KMT2D: variants seen among roughly 807,000 people sequenced by gnomAD.
KMT2D encodes histone-lysine N-methyltransferase 2D.
Under a neutral mutation model 512.7 loss-of-function variants are expected in KMT2D, and 55 were observed. The observed-to-expected ratio is 0.11, with a 90% confidence interval of 0.09 to 0.13. The LOEUF is 0.13. KMT2D is among the 10% of genes least tolerant of loss of function. The pLI, the probability that KMT2D is intolerant of heterozygous loss-of-function variation, is 1.00. For missense variants in KMT2D, 6,061 were observed against 7,127.9 expected (o/e 0.85, Z 5.39); for synonymous variants, 2,995 against 2,904.0 (o/e 1.03, Z -1.01).
At position 49,034,436 on chromosome 12, in the gene KMT2D, G is replaced by A. The variant is rs746854405; in HGVS notation, c.10481C>T (p.Pro3494Leu). Residue 3494 changes from proline (P) to leucine (L), a missense_variant, in exon 38 of 55, where the codon CCG becomes CTG. By Grantham distance (98) the Pro-to-Leu change is moderately conservative (BLOSUM62 -3). Around this residue, in one of 16 missense-constraint regions of KMT2D, gnomAD observed 533 missense variants for 539.6 expected, o/e 0.99. Transcript: ENST00000301067. The part of the protein sequence containing the change: ...AGDPSQPRPN[P>L]PTFAQGVINE... Reference sequence around the variant, plus strand: ...GATCACTCCCTGAGCAAAAGTGGGCGGGTTGGGACGAGGCTGGGAGGGATC... The same window carrying A: ...GATCACTCCCTGAGCAAAAGTGGGCAGGTTGGGACGAGGCTGGGAGGGATC... 2.5e-6 allele frequency: 4 copies of A among 1,613,672 alleles called. No individual in the cohort carries two copies. The highest frequency in any genetic ancestry group is 1.3e-5 in the African/African-American group (1 of 74,872).
In KMT2D at chr12:49,031,575, C is replaced by A; in HGVS notation, c.13130G>T (p.Trp4377Leu). 6.2e-7 allele frequency: 1 copy of A among 1,600,420 alleles called. No individual in the cohort carries two copies. Among genetic ancestry groups the A allele is most frequent in the East Asian group, 2.3e-5 (1 of 44,350 alleles). ...DTLFSKGLGP[W>L]DPPDNLAETQ... The stretch of plus-strand genomic sequence containing the variant: ...TTCTGCTAGGTTGTCTGGGGGATCC[C>A]AAGGTCCCAGACCCTTGCTAAACAA... The change falls in exon 40 of 55, where the codon TGG becomes TTG. Residue 4377 changes from tryptophan to leucine, a missense_variant. By Grantham distance (61) the Trp-to-Leu change is moderately conservative. Coordinates refer to ENST00000301067, the MANE Select transcript of KMT2D (RefSeq NM_003482.4).
chr12:49,041,749 C>T lies in KMT2D; in HGVS notation c.6184-44G>A, dbSNP rs1378468763. 6.3e-7 allele frequency: 1 copy of T among 1,581,510 alleles called. No individual in the cohort carries two copies. The highest frequency in any genetic ancestry group is 1.7e-4 in the Middle Eastern group (1 of 5,920). On this transcript the variant is annotated intron_variant, in intron 30 of 54. Transcript: ENST00000301067. This position sits in a 1 kb window ranked among gnomAD's most constrained non-coding sequence, Gnocchi z 5.4. The stretch of plus-strand genomic sequence containing the variant: ...AGCCTTAGGGCCTAGTGCTTGGTCT[C>T]ATGCCCCGCCCCCATACTGTAGTGT...
In KMT2D at chr12:49,042,436, C is replaced by A; in HGVS notation, c.5868-106G>T. The stretch of plus-strand genomic sequence containing the variant: ...CTGCCCTGCCCCAAAAGAGGAGGGT[C>A]ACTAACAAGGGAATGGGGAGGAGCA... On this transcript the variant is annotated intron_variant, in intron 28 of 54. Coordinates refer to ENST00000301067, the MANE Select transcript of KMT2D (RefSeq NM_003482.4). The surrounding 1 kb of genome is among the most constrained non-coding windows in gnomAD (Gnocchi z 4.4). 1 of 1,507,906 alleles carries A rather than the reference C, an allele frequency of 6.6e-7. No individual in the cohort carries two copies. Among genetic ancestry groups the A allele is most frequent in the South Asian group, 1.3e-5 (1 of 78,846 alleles). 93.4% of individuals were successfully genotyped at this position (1,507,906 alleles called of 1,614,324 possible). A position where few individuals can be genotyped will look rare whatever the true frequency, so the allele number is the denominator to read the frequency against.
chr12:49,019,738 G>C lies in KMT2D; in HGVS notation c.*2042C>G, dbSNP rs928965779. ...GATTTAATTACAGCGGTTCCTGTGG[G>C]AGTGGGGGCTGTTATTCTCTTAAAC... On this transcript the variant is annotated 3_prime_UTR_variant, in exon 55 of 55. Coordinates refer to ENST00000301067, the MANE Select transcript of KMT2D (RefSeq NM_003482.4). 3 of 232,718 alleles carry C rather than the reference G, an allele frequency of 1.3e-5. No homozygotes were observed. The highest frequency in any genetic ancestry group is 6.6e-5 in the African/African-American group (3 of 45,256). 14.4% of individuals were successfully genotyped at this position (232,718 alleles called of 1,614,324 possible).
rs376888531 is a variant in KMT2D at position 49,039,343 on chromosome 12, C to T, written c.8245G>A (p.Val2749Met). The change falls in exon 34 of 55, where the codon GTG becomes ATG. Residue 2749 changes from valine (V) to methionine (M), a missense_variant. Val to Met is a conservative substitution (Grantham distance 21). This residue lies in a region of KMT2D where 527 missense variants were observed against 578.9 expected (regional missense o/e 0.91). Transcript: ENST00000301067. The surrounding 1 kb of genome is among the most constrained non-coding windows in gnomAD (Gnocchi z 5.0). ...FAGTQDKSSL[V>M]GLPPSKLSGP... ...CTCAGCTTGCTTGGGGGCAACCCCA[C>T]AAGGCTGCTCTTGTCCTAGAAGAGA... 2.1e-5 allele frequency: 34 copies of T among 1,613,078 alleles called. No homozygotes were observed. The African/African-American group carries it at 4.0e-4, about 19-fold the overall frequency.
Position 49,038,055 on chromosome 12 carries a change from G to C in KMT2D, c.9301C>G (p.Pro3101Ala). Residue 3101 changes from proline to alanine, a missense_variant, in exon 35 of 55, where the codon CCC becomes GCC. Coordinates refer to ENST00000301067, the MANE Select transcript of KMT2D (RefSeq NM_003482.4). This position sits in a 1 kb window ranked among gnomAD's most constrained non-coding sequence, Gnocchi z 5.7. Reference sequence around the variant, plus strand: ...GGTTCAGAGGCATCAGCAGCAGGGGGAGGGCGCTCCTCAGGGCCCAAGGGT... The same window carrying C: ...GGTTCAGAGGCATCAGCAGCAGGGGCAGGGCGCTCCTCAGGGCCCAAGGGT... ...PGPLGPEERP[P>A]PAADASEPRL... is the part of the protein sequence containing the mutation. 6.2e-7 allele frequency: 1 copy of C among 1,612,596 alleles called. No individual in the cohort carries two copies. Among genetic ancestry groups the C allele is most frequent in the Non-Finnish European group, 8.5e-7 (1 of 1,179,450 alleles).
At position 49,044,871 on chromosome 12, in the gene KMT2D, G is replaced by A. The variant is rs2120588900; in HGVS notation, c.4836C>T (p.Arg1612=). 1 of 1,614,064 alleles carries A rather than the reference G, an allele frequency of 6.2e-7. No homozygotes were observed. The change falls in exon 20 of 55, where the codon CGC becomes CGT. Residue 1612 remains arginine (R), a synonymous_variant. Coordinates refer to ENST00000301067, the MANE Select transcript of KMT2D (RefSeq NM_003482.4). The surrounding 1 kb of genome is among the most constrained non-coding windows in gnomAD (Gnocchi z 6.4). ...NLTMSPLHKR[R]QRRGRLGLPG... is the part of the protein sequence containing the mutation. ...GGAGGCCAAGCCGTCCTCGCCGTTG[G>A]CGCCGCTTGTGCAGTGGTGACATGG...
At position 49,043,097 on chromosome 12, in the gene KMT2D, A is replaced by T. The variant is rs759354387; in HGVS notation, c.5623T>A (p.Leu1875Ile). The T allele has an allele frequency of 6.2e-7, 1 of 1,613,864 alleles. No individual in the cohort carries two copies. The highest frequency in any genetic ancestry group is 8.5e-7 in the Non-Finnish European group (1 of 1,179,768). ...TPGEGMLSSD[L>I]DRISTEELPK... ...TCACCTTCTGTGGAAATCCTGTCTA[A>T]GTCAGAGCTAAGCATCCCTTCACCT... The change falls in exon 26 of 55, where the codon TTA becomes ATA. Residue 1875 changes from leucine to isoleucine, a missense_variant. Coordinates refer to ENST00000301067, the MANE Select transcript of KMT2D (RefSeq NM_003482.4).
Position 49,046,429 on chromosome 12 carries a change from T to C in KMT2D, c.4419-5A>G, listed in dbSNP as rs1943787652. On this transcript the variant is annotated splice_polypyrimidine_tract_variant and splice_region_variant and intron_variant, in intron 16 of 54. Transcript: ENST00000301067. This position sits in a 1 kb window ranked among gnomAD's most constrained non-coding sequence, Gnocchi z 4.2. ...CACTGCATACAGGACACACACCTGA[T>C]AGGAGCAGGAAAACAGAGCTTTAGC... The C allele has an allele frequency of 4.3e-6, 7 of 1,613,004 alleles. No homozygotes were observed. The highest frequency in any genetic ancestry group is 1.6e-4 in the Middle Eastern group (1 of 6,082).
chr12:49,029,174 C>G lies in KMT2D; in HGVS notation c.14138G>C (p.Ser4713Thr), dbSNP rs763740041. The change falls in exon 45 of 55, where the codon AGC becomes ACC. Residue 4713 changes from serine to threonine, a missense_variant. Ser to Thr is a moderately conservative substitution (Grantham distance 58). Around this residue, in one of 16 missense-constraint regions of KMT2D, gnomAD observed 1,600 missense variants for 1,754.9 expected, o/e 0.91. Transcript: ENST00000301067. Reference sequence around the variant, plus strand: ...ACGAGGGGCCTCCTCCCCCAAGATGCTCTCAGGGGATGAAGCTGGCACAAT... The same window carrying G: ...ACGAGGGGCCTCCTCCCCCAAGATGGTCTCAGGGGATGAAGCTGGCACAAT... ...DSIVPASSPE[S>T]ILGEEAPRFP... The G allele has an allele frequency of 9.3e-6, 15 of 1,613,932 alleles. No individual in the cohort carries two copies. The highest frequency in any genetic ancestry group is 1.2e-5 in the Non-Finnish European group (14 of 1,179,806).
rs765815816 is a variant in KMT2D, at chr12:49,054,632, G to A, written c.296C>T (p.Pro99Leu). 6.2e-7 allele frequency: 1 copy of A among 1,613,248 alleles called. No homozygotes were observed. The highest frequency in any genetic ancestry group is 8.5e-7 in the Non-Finnish European group (1 of 1,179,518). ...CTCATTGGGCCCTGGGCTCCCCCCA[G>A]GGGACACCACTGGACACCGGGGCCA... ...FDWPRCPVVS[P>L]GGSPGPNEAV... The change falls in exon 4 of 55, where the codon CCT (proline) becomes CTT (leucine). Residue 99 changes from proline to leucine, a missense_variant. Physicochemically the swap from Pro to Leu is moderately conservative, Grantham distance 98. Transcript: ENST00000301067. This position sits in a 1 kb window ranked among gnomAD's most constrained non-coding sequence, Gnocchi z 6.4.
rs2120632124 is a variant in KMT2D at position 49,049,200 on chromosome 12, G to A, written c.3925C>T (p.Pro1309Ser). 6.2e-7 allele frequency: 1 copy of A among 1,604,730 alleles called. No individual in the cohort carries two copies. The highest frequency in any genetic ancestry group is 1.1e-5 in the South Asian group (1 of 89,262). Reference protein sequence around the residue: ...RIKQGRSSSFPGRRRPRGGAH... With the variant: ...RIKQGRSSSFSGRRRPRGGAH... ...CCTCCACGAGGCCGGCGTCTTCCTG[G>A]GAAACTGCTGCTGCGACCCTGAGTG... Residue 1309 changes from proline to serine, a missense_variant, in exon 13 of 55, where the codon CCA becomes TCA. Transcript: ENST00000301067.
Position 49,050,350 on chromosome 12 carries a change from C to G in KMT2D, c.3238G>C (p.Glu1080Gln), listed in dbSNP as rs762541995. ...GGTTCCAAGGCTGGGCATTCAGGTT[C>G]TGAAACTTTCTCAGTCTCCATCTCG... is the stretch of plus-strand genomic sequence containing the variant. ...LHEMETEKVS[E>Q]PECPALEPSA... Residue 1080 changes from glutamate (E) to glutamine (Q), a missense_variant, in exon 12 of 55, where the codon GAA (glutamate) becomes CAA (glutamine). Transcript: ENST00000301067. The G allele has an allele frequency of 6.7e-5, 108 of 1,611,552 alleles. No individual in the cohort carries two copies. The highest frequency in any genetic ancestry group is 8.8e-5 in the Non-Finnish European group (104 of 1,178,838).
rs1201207290 is a variant in KMT2D at position 49,026,595 on chromosome 12, A to G, written c.15371T>C (p.Met5124Thr). 1.9e-6 allele frequency: 3 copies of G among 1,614,048 alleles called. No individual in the cohort carries two copies. The highest frequency in any genetic ancestry group is 1.7e-6 in the Non-Finnish European group (2 of 1,179,900). Residue 5124 changes from methionine (M) to threonine (T), a missense_variant, in exon 49 of 55, where the codon ATG becomes ACG. Met to Thr is a moderately conservative substitution (Grantham distance 81, BLOSUM62 -1). Coordinates refer to ENST00000301067, the MANE Select transcript of KMT2D (RefSeq NM_003482.4). The surrounding 1 kb of genome is among the most constrained non-coding windows in gnomAD (Gnocchi z 9.6). Reference sequence around the variant, plus strand: ...CAGCATGGTCTTGTCCTTGAAGAACATGCACTTGGCACGGATGGCACAAGC... The same window carrying G: ...CAGCATGGTCTTGTCCTTGAAGAACGTGCACTTGGCACGGATGGCACAAGC... Reference protein sequence around the residue: ...HFACAIRAKCMFFKDKTMLCP... With the variant: ...HFACAIRAKCTFFKDKTMLCP...
chr12:49,060,428 T>C lies in KMT2D; in HGVS notation c.-853A>G, dbSNP rs1359026762. Among the ~76,000 whole-genome samples, 1 of 152,076 alleles carries C rather than the reference T, an allele frequency of 6.6e-6. No homozygotes were observed. The highest frequency in any genetic ancestry group is 2.1e-4 in the South Asian group (1 of 4,836). On this transcript the variant is annotated 5_prime_UTR_variant, in exon 1 of 55. Coordinates refer to ENST00000301067, the MANE Select transcript of KMT2D (RefSeq NM_003482.4). ...CCCCGGCCTGGCCGGCTCTGGTCGG[T>C]GGCACCCCCTCGACCCCCGGCTGAC...
In KMT2D at chr12:49,044,352, G is replaced by T. The variant is rs1341905433; in HGVS notation, c.5084-48C>A. ...ATGAGAAGCCGCTGGGGGACCTATTGAGCTGCCCCGCACCACCCCACCACC... is the reference window on the plus strand; with the variant it reads ...ATGAGAAGCCGCTGGGGGACCTATTTAGCTGCCCCGCACCACCCCACCACC... On this transcript the variant is annotated intron_variant, in intron 21 of 54. Transcript: ENST00000301067. This position sits in a 1 kb window ranked among gnomAD's most constrained non-coding sequence, Gnocchi z 6.4. 1 of 1,613,528 alleles carries T rather than the reference G, an allele frequency of 6.2e-7. No homozygotes were observed. The highest frequency in any genetic ancestry group is 1.1e-5 in the South Asian group (1 of 91,048).
Position 49,040,156 on chromosome 12 carries a change from G to T in KMT2D, c.7614C>A (p.Phe2538Leu). 6.2e-7 allele frequency: 1 copy of T among 1,613,908 alleles called. No homozygotes were observed. Among genetic ancestry groups the T allele is most frequent in the Non-Finnish European group, 8.5e-7 (1 of 1,179,840 alleles). Residue 2538 changes from phenylalanine to leucine, a missense_variant, in exon 32 of 55, where the codon TTC (phenylalanine) becomes TTA (leucine). Phe to Leu is a conservative substitution (Grantham distance 22). Transcript: ENST00000301067. ...VGTPSPMRFT[F>L]PQAVGEPSLK... ...GGGAAGGCTCCCCTACTGCCTGAGG[G>T]AAAGTGAAACGCATGGGAGAGGGGG...
rs756518667 is a variant in KMT2D, at chr12:49,041,091, G to A, written c.6679C>T (p.His2227Tyr). ...RPGAGQPGEF[H>Y]TTPPGTPRHQ... ...CTGGGGGTGCCAGGTGGGGTAGTGT[G>A]GAATTCCCCTGGCTGGCCAGCCCCA... is the stretch of plus-strand genomic sequence containing the variant. The change falls in exon 32 of 55, where the codon CAC (histidine) becomes TAC (tyrosine). Residue 2227 changes from histidine (H) to tyrosine (Y), a missense_variant. By Grantham distance (83) the His-to-Tyr change is moderately conservative. Around this residue, in one of 16 missense-constraint regions of KMT2D, gnomAD observed 710 missense variants for 647.3 expected, o/e 1.10. Coordinates refer to ENST00000301067, the MANE Select transcript of KMT2D (RefSeq NM_003482.4). This position sits in a 1 kb window ranked among gnomAD's most constrained non-coding sequence, Gnocchi z 5.4. 7.2e-6 allele frequency: 11 copies of A among 1,533,770 alleles called. No homozygotes were observed. Among genetic ancestry groups the A allele is most frequent in the African/African-American group, 1.4e-5 (1 of 72,030 alleles).
rs2120664800 is a variant in KMT2D, at chr12:49,051,179, G to A, written c.2504C>T (p.Pro835Leu). Residue 835 changes from proline (P) to leucine (L), a missense_variant, in exon 11 of 55, where the codon CCC becomes CTC. Pro to Leu is a moderately conservative substitution (Grantham distance 98). Transcript: ENST00000301067. ...SPQPEESHLS[P>L]QSEEPCLSPR... ...GGACAGGCATGGCTCCTCAGACTGG[G>A]GGGACAGGTGTGATTCCTCAGGTTG... The A allele has an allele frequency of 6.6e-7, 1 of 1,514,822 alleles. No individual in the cohort carries two copies. The highest frequency in any genetic ancestry group is 2.2e-5 in the Admixed American group (1 of 45,802). 93.8% of individuals were successfully genotyped at this position (1,514,822 alleles called of 1,614,324 possible).
Sources: allele counts gnomAD v4.1 joint callset (sites outside exome capture counted in the v4.1 genomes callset), GRCh38; gene constraint gnomAD v4.1.1; regional missense constraint gnomAD v4.1.1; non-coding constraint Gnocchi (gnomAD v3.1); transcripts MANE v1.5; gene names NCBI Gene and HGNC (gene_info 2026-07-23, HGNC 2026-07-21).